The following FOXK1 variants were observed in gnomAD, a reference collection of about 807,000 sequenced individuals.
The protein encoded by FOXK1 is forkhead box K1, also known as forkhead box protein K1.
A neutral mutation model predicts 51.9 loss-of-function variants in FOXK1; 19 were observed. That is an observed-to-expected ratio of 0.37 (90% CI 0.26 to 0.54). FOXK1 has a LOEUF of 0.54. Ranked by LOEUF, FOXK1 falls within the 20% of genes least tolerant of loss-of-function variation. FOXK1 has a pLI of 0.87. For synonymous variants in FOXK1, 537 were observed against 482.6 expected, an observed-to-expected ratio of 1.11 and a Z score of -1.48; for missense variants, 870 against 1,032.7, an observed-to-expected ratio of 0.84 and a Z score of 2.16.
rs1780856313 is a variant in FOXK1, at chr7:4,756,643, T to C, written c.1051-351T>C. ...AACCCAGCATGGTGGCCCACGCCCA[T>C]AGTCCCAGCTAGTCAGGAGGCTGAG... On this transcript the variant is annotated intron_variant, in intron 4 of 8. Transcript: ENST00000328914. The surrounding 1 kb of genome is among the most constrained non-coding windows in gnomAD (Gnocchi z 4.1). 6.6e-6 allele frequency among the ~76,000 whole-genome samples: 1 copy of C among 151,692 alleles called. No homozygotes were observed. The highest frequency in any genetic ancestry group is 2.4e-5 in the African/African-American group (1 of 41,266).
In FOXK1 at chr7:4,731,622, T is replaced by C. The variant is rs951398338; in HGVS notation, c.561-9216T>C. 6.6e-6 allele frequency among the ~76,000 whole-genome samples: 1 copy of C among 152,006 alleles called. No homozygotes were observed. The highest frequency in any genetic ancestry group is 2.4e-5 in the African/African-American group (1 of 41,382). ...TAAAAATACAAAAATTAGCCGGGCA[T>C]GGTGGTGGGCACCTGTAATCCCAGC... On this transcript the variant is annotated intron_variant, in intron 1 of 8. Transcript: ENST00000328914. The surrounding 1 kb of genome is among the most constrained non-coding windows in gnomAD (Gnocchi z 5.3).
chr7:4,762,340 C>G lies in FOXK1; in HGVS notation c.2078C>G (p.Ser693Cys). 1 of 1,550,914 alleles carries G rather than the reference C, an allele frequency of 6.4e-7. No homozygotes were observed. The highest frequency in any genetic ancestry group is 1.4e-5 in the African/African-American group (1 of 73,148). The change falls in exon 9 of 9, where the codon TCC (serine) becomes TGC (cysteine). Residue 693 changes from serine to cysteine, a missense_variant. This residue lies in a region of FOXK1 where 457 missense variants were observed against 510.8 expected (regional missense o/e 0.89). Transcript: ENST00000328914. The surrounding 1 kb of genome is among the most constrained non-coding windows in gnomAD (Gnocchi z 5.7). ...GCCACTGCCACCACCGCCTCTGCCT[C>G]CGCCTCTTCCACTGGAGAGCCCGAG... ...TPATATTASA[S>C]ASSTGEPEVK...
At position 4,682,387 on chromosome 7, in the gene FOXK1, G is replaced by T; in HGVS notation, c.79G>T (p.Ala27Ser). ...RSAPCSPVLCAAAAAAAFPAA... is the reference protein window; with the variant it reads ...RSAPCSPVLCSAAAAAAFPAA... ...GGCGCCCTGCAGCCCAGTGCTGTGC[G>T]CCGCAGCCGCCGCCGCCGCCTTCCC... is the stretch of plus-strand genomic sequence containing the variant. Residue 27 changes from alanine (A) to serine (S), a missense_variant, in exon 1 of 9, where the codon GCC (alanine) becomes TCC (serine). Ala to Ser is a moderately conservative substitution (Grantham distance 99, BLOSUM62 1). Around this residue, in one of 3 missense-constraint regions of FOXK1, gnomAD observed 399 missense variants for 475.6 expected, o/e 0.84. Transcript: ENST00000328914. The surrounding 1 kb of genome is among the most constrained non-coding windows in gnomAD (Gnocchi z 7.6). 2 of 981,794 alleles carry T rather than the reference G, an allele frequency of 2.0e-6. No individual in the cohort carries two copies. Among genetic ancestry groups the T allele is most frequent in the Non-Finnish European group, 2.4e-6 (2 of 829,024 alleles). The allele number at this position is 981,794 out of a possible 1,614,324, so 60.8% of individuals were successfully genotyped here. A position where few individuals can be genotyped will look rare whatever the true frequency, so the allele number is the denominator to read the frequency against.
rs141643454 is a variant in FOXK1, at chr7:4,747,877, G to A, written c.747-6582G>A. Among the ~76,000 whole-genome samples, 1,976 of 150,998 alleles carry A rather than the reference G, an allele frequency of 0.013. 12 individuals are homozygous for A. Among genetic ancestry groups the A allele is most frequent in the South Asian group, 0.022 (106 of 4,746 alleles). On this transcript the variant is annotated intron_variant, in intron 2 of 8. Transcript: ENST00000328914. The surrounding 1 kb of genome is among the most constrained non-coding windows in gnomAD (Gnocchi z 9.2). ...TTGTTTTGTTTTGAAGCAGGGTCTT[G>A]TTCTGACACCCAGGCCGGAGTGCAG...
In FOXK1 at chr7:4,707,082, G is replaced by T. The variant is rs898564146; in HGVS notation, c.560+24214G>T. On this transcript the variant is annotated intron_variant, in intron 1 of 8. Transcript: ENST00000328914. The surrounding 1 kb of genome is among the most constrained non-coding windows in gnomAD (Gnocchi z 4.1). ...TAACGGTTGCTTCCTGCCTTTGTCC[G>T]TAATGGCCACCTTCCAGTCTTAGAG... is the stretch of plus-strand genomic sequence containing the variant. Among the ~76,000 whole-genome samples the T allele has an allele frequency of 3.3e-5, 5 of 152,216 alleles. No homozygotes were observed. Among genetic ancestry groups the T allele is most frequent in the African/African-American group, 1.2e-4 (5 of 41,456 alleles).
intron 2 of FOXK1, among the ~76,000 whole-genome samples, chr7:4,741,454 G>A (rs1225769870): frequency 2.0e-5 from 3 of 152,004 alleles, no homozygotes; most frequent in African/African-American, 4.8e-5. Flanking sequence ...TCAGCCTCCC[G>A]AGTAGCTGGG....
chr7:4,737,523 T>C (rs1323927176), intron 1 of FOXK1, among the ~76,000 whole-genome samples: 1 of 150,320 alleles, frequency 6.7e-6, no homozygotes, highest in Non-Finnish European at 1.5e-5. Context: ...CGTGCATGCA[T>C]GTGTGCATTC....
In FOXK1 at chr7:4,767,467, C is replaced by G. The variant is rs1418525749; in HGVS notation, c.*5003C>G. The G allele has an allele frequency of 6.6e-6, 1 of 152,234 alleles. No individual in the cohort carries two copies. The highest frequency in any genetic ancestry group is 6.5e-5 in the Admixed American group (1 of 15,284). The allele number at this position is 152,234 out of a possible 1,614,324, so 9.4% of individuals were successfully genotyped here. ...ACAGCCTCGCCTCGAGCCTCCTTGA[C>G]AATACCGCTGCTTCAAAGCAATATT... On this transcript the variant is annotated 3_prime_UTR_variant, in exon 9 of 9. Transcript: ENST00000328914. This position sits in a 1 kb window ranked among gnomAD's most constrained non-coding sequence, Gnocchi z 6.6.
chr7:4,705,986 A>ATATATACGTATATATACGTG (rs1780090276), intron 1 of FOXK1, among the ~76,000 whole-genome samples: 4 of 104,970 alleles, frequency 3.8e-5, no homozygotes, highest in South Asian at 2.4e-4. Flanking sequence ...ATATATACGT[A>ATATATACGTATATATACGTG]TATATACGTA....
intron 2 of FOXK1, among the ~76,000 whole-genome samples, chr7:4,746,613 A>C (rs1001231481): frequency 2.6e-5 from 4 of 152,204 alleles, no homozygotes; most frequent in Non-Finnish European, 4.4e-5. Context: ...GCTTGAGCCC[A>C]GCAGTTGGAG....
At position 4,756,891 on chromosome 7, in the gene FOXK1, C is replaced by G. The variant is rs879773153; in HGVS notation, c.1051-103C>G. The G allele has an allele frequency of 7.9e-7, 1 of 1,273,292 alleles. No individual in the cohort carries two copies. The highest frequency in any genetic ancestry group is 1.5e-5 in the African/African-American group (1 of 68,172). 78.9% of individuals were successfully genotyped at this position (1,273,292 alleles called of 1,614,324 possible). ...GCACCAAGGGCTCTGCACAGAGGGA[C>G]GGCCTCCCCTCACCCTGGTCCCGCA... On this transcript the variant is annotated intron_variant, in intron 4 of 8. Coordinates refer to ENST00000328914, the MANE Select transcript of FOXK1 (RefSeq NM_001037165.2). The surrounding 1 kb of genome is among the most constrained non-coding windows in gnomAD (Gnocchi z 4.1).
At chr7:4,752,615 T>C (rs567484279) in intron 2 of FOXK1, among the ~76,000 whole-genome samples, 47 of 152,248 alleles carry the variant, frequency 3.1e-4, no homozygotes, top group Middle Eastern at 3.4e-3. Context: ...TCGGATGAGA[T>C]TTTCCGAGCT....
chr7:4,712,922 G>A (rs979874343), intron 1 of FOXK1, among the ~76,000 whole-genome samples: 1 of 151,978 alleles, frequency 6.6e-6, no homozygotes, highest in Non-Finnish European at 1.5e-5. Flanking sequence ...TTTTTAAATC[G>A]TGCTCAGAGC....
intron 1 of FOXK1, among the ~76,000 whole-genome samples, chr7:4,687,315 C>A (rs183398010): frequency 6.6e-6 from 1 of 151,372 alleles, no homozygotes. Flanking sequence ...TTTTTTGCAA[C>A]GGAGTCTCAC....
intron 7 of FOXK1, among the ~76,000 whole-genome samples, chr7:4,760,225 G>GT (rs1201084019): frequency 2.6e-5 from 4 of 152,174 alleles, no homozygotes; most frequent in Admixed American, 2.6e-4. Flanking sequence ...CGACTCCCTC[G>GT]TAAGTTAAAG....
At chr7:4,740,610 AAAAAT>A (rs532991860) in intron 1 of FOXK1, among the ~76,000 whole-genome samples, 21 of 152,172 alleles carry the variant, frequency 1.4e-4, no homozygotes, top group African/African-American at 1.9e-4. Context: ...CTCCCTCTCA[AAAAAT>A]AAAATAAAAT....
rs1780691995 is a variant in FOXK1, at chr7:4,745,521, T to G, written c.746+4498T>G. On this transcript the variant is annotated intron_variant, in intron 2 of 8. Transcript: ENST00000328914. This position sits in a 1 kb window ranked among gnomAD's most constrained non-coding sequence, Gnocchi z 4.3. Reference sequence around the variant, plus strand: ...TTTATTTTTTTCTGCCCTGAAGTACTCCACCCAGAAAATGAATGAACTCTC... The same window carrying G: ...TTTATTTTTTTCTGCCCTGAAGTACGCCACCCAGAAAATGAATGAACTCTC... Among the ~76,000 whole-genome samples the G allele has an allele frequency of 1.3e-5, 2 of 152,136 alleles. No individual in the cohort carries two copies. The highest frequency in any genetic ancestry group is 6.6e-5 in the Admixed American group (1 of 15,256).
intron 7 of FOXK1, 192 bp downstream of exon 7, chr7:4,759,787 T>G: frequency 1.4e-6 from 1 of 709,194 alleles, no homozygotes; most frequent in South Asian, 2.0e-5. Context: ...TCCCAGTGCT[T>G]TGGGAGGCCA....
At chr7:4,694,292 T>C (rs920515215) in intron 1 of FOXK1, among the ~76,000 whole-genome samples, 2 of 152,162 alleles carry the variant, frequency 1.3e-5, no homozygotes, top group African/African-American at 4.8e-5. Flanking sequence ...TACATCAAAA[T>C]AAGCAGACTT....
Sources: allele counts gnomAD v4.1 joint callset (sites outside exome capture counted in the v4.1 genomes callset), GRCh38; gene constraint gnomAD v4.1.1; regional missense constraint gnomAD v4.1.1; non-coding constraint Gnocchi (gnomAD v3.1); transcripts MANE v1.5; gene names NCBI Gene and HGNC (gene_info 2026-07-23, HGNC 2026-07-21).